ZDHHC2: variants seen among roughly 807,000 people sequenced by gnomAD.
ZDHHC2 encodes the protein zDHHC palmitoyltransferase 2.
A neutral mutation model predicts 55.6 loss-of-function variants in ZDHHC2; 51 were observed. The ratio of observed to expected loss-of-function variants is 0.92; its 90% CI spans 0.73 to 1.16. The LOEUF is 1.16. ZDHHC2 is among the 50% of genes most tolerant of loss of function. The pLI is 0.00. For missense variants in ZDHHC2, 491 were observed against 442.4 expected (o/e 1.11, Z -0.99); for synonymous variants, 199 against 152.9 (o/e 1.30, Z -2.22).
At chr8:17,213,474 A>G (rs530456590) in intron 10 of ZDHHC2, among the ~76,000 whole-genome samples, 7 of 152,052 alleles carry the variant, frequency 4.6e-5, no homozygotes, top group Non-Finnish European at 7.4e-5. Flanking sequence ...CTGGTCTCGA[A>G]CTTCCTGACC....
chr8:17,170,383 G>T (rs1804800535), intron 1 of ZDHHC2, among the ~76,000 whole-genome samples: 1 of 152,166 alleles, frequency 6.6e-6, no homozygotes, highest in South Asian at 2.1e-4. Flanking sequence ...GTGTGCCACT[G>T]TAAATTTTAT....
chr8:17,162,037 G>T (rs1051826559), intron 1 of ZDHHC2, among the ~76,000 whole-genome samples: 5 of 152,126 alleles, frequency 3.3e-5, no homozygotes, highest in African/African-American at 1.2e-4. Context: ...AACATGATAT[G>T]TTCCAAACTC....
In ZDHHC2 at chr8:17,186,333, G is replaced by C. The variant is rs375924295; in HGVS notation, c.160G>C (p.Val54Leu). 1.3e-6 allele frequency: 2 copies of C among 1,588,934 alleles called. No homozygotes were observed. Among genetic ancestry groups the C allele is most frequent in the Non-Finnish European group, 1.7e-6 (2 of 1,167,268 alleles). The change falls in exon 3 of 13, where the codon GTG (valine) becomes CTG (leucine). Residue 54 changes from valine (V) to leucine (L), a missense_variant and splice_region_variant. Transcript: ENST00000262096. ...TAATTATGTTTTTCTCATTTTAGTT[G>C]TGTGCCTGATGGCCTATCATCTACT... ...VSMENTGEQVVCLMAYHLLFA... is the reference protein window; with the variant it reads ...VSMENTGEQVLCLMAYHLLFA...
Position 17,210,404 on chromosome 8 carries a change from TC to T in ZDHHC2, c.876del (p.Pro294GlnfsTer18), listed in dbSNP as rs1284761589. ...PIFSSLGDGC[S>X]FPTCLVNQDP... is the part of the protein sequence containing the mutation. ...TAATTCTAGTCTAGGTGATGGCTGC[TC>T]CTTTCCAACTTGCCTTGTTAACCAG... On this transcript the variant is annotated frameshift_variant, in exon 10 of 13. Transcript: ENST00000262096. LOFTEE classifies it high-confidence loss of function. 6.2e-7 allele frequency: 1 copy of T among 1,613,472 alleles called. No homozygotes were observed. Among genetic ancestry groups the T allele is most frequent in the South Asian group, 1.1e-5 (1 of 91,012 alleles).
chr8:17,170,473 A>G (rs1021370897), intron 1 of ZDHHC2, among the ~76,000 whole-genome samples: 4 of 152,240 alleles, frequency 2.6e-5, no homozygotes, highest in Non-Finnish European at 5.9e-5. Flanking sequence ...AAGTACTCAT[A>G]AGTGTCAAAT....
chr8:17,198,914 C>G (rs1384406814), intron 6 of ZDHHC2, among the ~76,000 whole-genome samples: 1 of 152,166 alleles, frequency 6.6e-6, no homozygotes, highest in Non-Finnish European at 1.5e-5. Flanking sequence ...TTAATATTTG[C>G]TAATATTTCT....
At chr8:17,201,919 G>A (rs1806800121) in intron 6 of ZDHHC2, among the ~76,000 whole-genome samples, 1 of 152,082 alleles carries the variant, frequency 6.6e-6, no homozygotes, top group Non-Finnish European at 1.5e-5. Context: ...CTCAATCTCT[G>A]CTCTGGCCAC....
intron 2 of ZDHHC2, 40 bp downstream of exon 2, chr8:17,184,855 G>C: frequency 2.0e-6 from 3 of 1,485,540 alleles, no homozygotes; most frequent in South Asian, 1.3e-5. Context: ...TTTTTAAATA[G>C]TTTGAAAAAA....
intron 1 of ZDHHC2, among the ~76,000 whole-genome samples, chr8:17,176,717 A>G (rs1484126892): frequency 1.3e-5 from 2 of 152,144 alleles, no homozygotes; most frequent in Non-Finnish European, 2.9e-5. Context: ...GAGTGACAGA[A>G]GCATCATGCA....
chr8:17,214,277 A>C (rs1807533424), intron 10 of ZDHHC2, among the ~76,000 whole-genome samples: 1 of 152,312 alleles, frequency 6.6e-6, no homozygotes, highest in South Asian at 2.1e-4. Context: ...AAGACTGCTC[A>C]TTCCCCAGAC....
intron 6 of ZDHHC2, among the ~76,000 whole-genome samples, chr8:17,201,672 T>TC: frequency 6.7e-6 from 1 of 150,140 alleles, no homozygotes; most frequent in East Asian, 2.0e-4. Context: ...TTGGTTTTTT[T>TC]TTTTTTTGTA....
intron 3 of ZDHHC2, among the ~76,000 whole-genome samples, chr8:17,188,975 C>T (rs907721630): frequency 6.6e-6 from 1 of 152,096 alleles, no homozygotes; most frequent in African/African-American, 2.4e-5. Context: ...TATACCCTCA[C>T]CCTCAGAGTA....
At chr8:17,166,485 C>G (rs376988355) in intron 1 of ZDHHC2, among the ~76,000 whole-genome samples, 2 of 152,270 alleles carry the variant, frequency 1.3e-5, no homozygotes, top group African/African-American at 4.8e-5. Context: ...CAGTTGCACA[C>G]ATGAAGTTGG....
At chr8:17,207,430 A>G (rs1807157698) in intron 7 of ZDHHC2, among the ~76,000 whole-genome samples, 1 of 152,158 alleles carries the variant, frequency 6.6e-6, no homozygotes, top group Admixed American at 6.5e-5. Context: ...GCTATTATTT[A>G]AGATAGCTTG....
intron 1 of ZDHHC2, among the ~76,000 whole-genome samples, chr8:17,162,334 G>C (rs1415259403): frequency 6.6e-6 from 1 of 152,206 alleles, no homozygotes; most frequent in Non-Finnish European, 1.5e-5. Context: ...ATGCAAATAA[G>C]TGAGAGGACA....
chr8:17,178,387 G>C (rs753425983), intron 1 of ZDHHC2, among the ~76,000 whole-genome samples: 1 of 151,980 alleles, frequency 6.6e-6, no homozygotes, highest in Non-Finnish European at 1.5e-5. Flanking sequence ...TTAATATATA[G>C]TATCTATATA....
intron 2 of ZDHHC2, among the ~76,000 whole-genome samples, chr8:17,185,626 C>T (rs959024614): frequency 1.3e-5 from 2 of 152,054 alleles, no homozygotes; most frequent in African/African-American, 4.8e-5. Flanking sequence ...AGCCACTGCA[C>T]TCCAGCCTGG....
chr8:17,217,521 C>G lies in ZDHHC2; in HGVS notation c.*34+275C>G, dbSNP rs1212591457. Among the ~76,000 whole-genome samples the G allele has an allele frequency of 2.6e-5, 4 of 151,982 alleles. No individual in the cohort carries two copies. In the East Asian group the frequency reaches 7.7e-4, roughly 29 times the overall value. ...ATGCATTAAGTGGTAGGGATCAATC[C>G]TAAAATACTGAACTATATGTAAAAA... On this transcript the variant is annotated intron_variant, in intron 12 of 12. Transcript: ENST00000262096.
At chr8:17,177,065 A>G (rs555195477) in intron 1 of ZDHHC2, among the ~76,000 whole-genome samples, 1 of 152,336 alleles carries the variant, frequency 6.6e-6, no homozygotes, top group South Asian at 2.1e-4. Context: ...TTTGGAAAGT[A>G]GCTAAAAGGA....
Sources: allele counts gnomAD v4.1 joint callset (sites outside exome capture counted in the v4.1 genomes callset), GRCh38; gene constraint gnomAD v4.1.1; transcripts MANE v1.5; gene names NCBI Gene and HGNC (gene_info 2026-07-23, HGNC 2026-07-21).